The following CPEB2 variants were observed in gnomAD, a reference collection of about 807,000 sequenced individuals.
CPEB2 encodes cytoplasmic polyadenylation element binding protein 2.
Under a neutral mutation model 93.6 loss-of-function variants are expected in CPEB2, and 56 were observed. The ratio of observed to expected loss-of-function variants is 0.60; its 90% CI spans 0.48 to 0.75. The LOEUF is 0.75. CPEB2 is among the 30% of genes least tolerant of loss of function. The pLI is 0.00. For synonymous variants in CPEB2, 764 were observed against 586.3 expected (o/e 1.30, Z -4.38); for missense variants, 1,579 against 1,395.1 (o/e 1.13, Z -2.10).
chr4:15,021,846 G>C (rs777471634), intron 4 of CPEB2, among the ~76,000 whole-genome samples: 1 of 151,980 alleles, frequency 6.6e-6, no homozygotes, highest in Non-Finnish European at 1.5e-5. Context: ...TATTTTTTAA[G>C]ACTCCTGAAG....
Position 15,008,407 on chromosome 4 carries a change from G to A in CPEB2, c.2014G>A (p.Gly672Arg), listed in dbSNP as rs1723089878. 3.1e-6 allele frequency: 5 copies of A among 1,613,136 alleles called. No individual in the cohort carries two copies. Among genetic ancestry groups the A allele is most frequent in the African/African-American group, 2.7e-5 (2 of 74,842 alleles). ...CCAAGATAGTTGGTGCACTGCAGCC[G>A]GAACATCCAGAATAGACCAGGTAGG... ...SLQDSWCTAAGTSRIDQDRSR... is the reference protein window; with the variant it reads ...SLQDSWCTAARTSRIDQDRSR... The change falls in exon 3 of 12, where the codon GGA (glycine) becomes AGA (arginine). Residue 672 changes from glycine to arginine, a missense_variant. Coordinates refer to ENST00000538197, the MANE Select transcript of CPEB2 (RefSeq NM_001177382.2).
chr4:15,037,880 C>G (rs1726786130), intron 5 of CPEB2, among the ~76,000 whole-genome samples: 1 of 152,042 alleles, frequency 6.6e-6, no homozygotes, highest in Admixed American at 6.6e-5. Context: ...ACATAAGTCA[C>G]TTAGTTTTTT....
intron 4 of CPEB2, among the ~76,000 whole-genome samples, chr4:15,021,787 A>G (rs970201148): frequency 2.6e-5 from 4 of 152,078 alleles, no homozygotes; most frequent in Non-Finnish European, 1.5e-5. Context: ...CTTATTTACT[A>G]AGTTTTTGTA....
chr4:15,003,350 A>G lies in CPEB2; in HGVS notation c.677A>G (p.Gln226Arg). 7.2e-7 allele frequency: 1 copy of G among 1,389,288 alleles called. No homozygotes were observed. The highest frequency in any genetic ancestry group is 1.7e-5 in the South Asian group (1 of 58,976). The allele number at this position is 1,389,288 out of a possible 1,614,324, so 86.1% of individuals were successfully genotyped here. A position where few individuals can be genotyped will look rare whatever the true frequency, so the allele number is the denominator to read the frequency against. Residue 226 changes from glutamine (Q) to arginine (R), a missense_variant, in exon 1 of 12, where the codon CAG (glutamine) becomes CGG (arginine). Gln to Arg is a conservative substitution (Grantham distance 43). This residue lies in a region of CPEB2 where 1,411 missense variants were observed against 1,056.0 expected (regional missense o/e 1.34). Transcript: ENST00000538197. ...GPLLQPAQLA[Q>R]RQQQQPPQQF... ...CTCCTCCAGCCGGCGCAGCTCGCTC[A>G]GCGCCAGCAGCAACAGCCGCCGCAG...
intron 4 of CPEB2, among the ~76,000 whole-genome samples, chr4:15,026,889 T>C (rs935589123): frequency 6.6e-6 from 1 of 152,202 alleles, no homozygotes; most frequent in African/African-American, 2.4e-5. Context: ...TCTGAGGCTG[T>C]AAACATAATA....
intron 4 of CPEB2, among the ~76,000 whole-genome samples, chr4:15,025,248 C>T (rs961258960): frequency 6.6e-6 from 1 of 152,012 alleles, no homozygotes; most frequent in Non-Finnish European, 1.5e-5. Flanking sequence ...AAAAAATTCT[C>T]AGAACTTTCA....
In CPEB2 at chr4:15,004,281, C is replaced by G. The variant is rs1722472059; in HGVS notation, c.1608C>G (p.His536Gln). Residue 536 changes from histidine (H) to glutamine (Q), a missense_variant, in exon 1 of 12, where the codon CAC becomes CAG. His to Gln is a conservative substitution (Grantham distance 24, BLOSUM62 0). This residue lies in a region of CPEB2 where 1,411 missense variants were observed against 1,056.0 expected (regional missense o/e 1.34). Coordinates refer to ENST00000538197, the MANE Select transcript of CPEB2 (RefSeq NM_001177382.2). The stretch of plus-strand genomic sequence containing the variant: ...TCAGCCCGCAGCTCCAGCAGCAGCA[C>G]CAGGCGGCGGCCGCCGCCTTCCTGC... The part of the protein sequence containing the change: ...SPVSPQLQQQ[H>Q]QAAAAAFLQQ... 3 of 1,494,932 alleles carry G rather than the reference C, an allele frequency of 2.0e-6. No homozygotes were observed. Among genetic ancestry groups the G allele is most frequent in the Non-Finnish European group, 2.7e-6 (3 of 1,130,058 alleles). The allele number at this position is 1,494,932 out of a possible 1,614,324, so 92.6% of individuals were successfully genotyped here. A position where few individuals can be genotyped will look rare whatever the true frequency, so the allele number is the denominator to read the frequency against.
At chr4:15,058,819 C>T (rs745638994) in intron 9 of CPEB2, among the ~76,000 whole-genome samples, 3 of 152,112 alleles carry the variant, frequency 2.0e-5, no homozygotes, top group Non-Finnish European at 4.4e-5. Context: ...AGAGATGGCA[C>T]TCTATTCTCA....
chr4:15,021,579 A>C (rs1303062812), intron 4 of CPEB2, among the ~76,000 whole-genome samples: 2 of 152,160 alleles, frequency 1.3e-5, no homozygotes, highest in Non-Finnish European at 2.9e-5. Flanking sequence ...AAACAGAATT[A>C]CTTAATTGTA....
intron 2 of CPEB2, among the ~76,000 whole-genome samples, 190 bp from the exon 3 acceptor site, chr4:15,008,148 T>C (rs1304050511): frequency 2.0e-5 from 3 of 152,234 alleles, no homozygotes; most frequent in South Asian, 4.1e-4. Context: ...ATTTTTATTA[T>C]TTTCTTGAAG....
chr4:15,037,568 G>A (rs1415648342), intron 5 of CPEB2, among the ~76,000 whole-genome samples: 3 of 151,946 alleles, frequency 2.0e-5, no homozygotes, highest in Non-Finnish European at 4.4e-5. Flanking sequence ...TTTGTTTTTT[G>A]TAGCTATGGA....
chr4:15,003,251 C>T lies in CPEB2; in HGVS notation c.578C>T (p.Ser193Leu), dbSNP rs756737934. The T allele has an allele frequency of 2.4e-5, 36 of 1,521,880 alleles. No individual in the cohort carries two copies. The highest frequency in any genetic ancestry group is 6.0e-5 in the South Asian group (5 of 83,246). 94.3% of individuals were successfully genotyped at this position (1,521,880 alleles called of 1,614,324 possible). The change falls in exon 1 of 12, where the codon TCG (serine) becomes TTG (leucine). Residue 193 changes from serine (S) to leucine (L), a missense_variant. By Grantham distance (145) the Ser-to-Leu change is moderately radical. Transcript: ENST00000538197. ...SPPHLPHPPD[S>L]KPPPPPPPLH... is the part of the protein sequence containing the mutation. ...CCCCACCTTCCCCACCCTCCGGACT[C>T]GAAGCCGCCGCCGCCGCCTCCGCCG...
At position 15,003,812 on chromosome 4, in the gene CPEB2, G is replaced by C. The variant is rs572958953; in HGVS notation, c.1139G>C (p.Gly380Ala). Reference sequence around the variant, plus strand: ...TCGCCGCCGCCGCTGCCCGGCTTCGGCACCCCCTGGTCGGTGCAGACCGCG... The same window carrying C: ...TCGCCGCCGCCGCTGCCCGGCTTCGCCACCCCCTGGTCGGTGCAGACCGCG... ...SASPPPLPGF[G>A]TPWSVQTASP... The change falls in exon 1 of 12, where the codon GGC becomes GCC. Residue 380 changes from glycine (G) to alanine (A), a missense_variant. This residue lies in a region of CPEB2 where 1,411 missense variants were observed against 1,056.0 expected (regional missense o/e 1.34). Coordinates refer to ENST00000538197, the MANE Select transcript of CPEB2 (RefSeq NM_001177382.2). 7.7e-3 allele frequency: 7,702 copies of C among 994,678 alleles called. 69 individuals are homozygous for C. Among genetic ancestry groups the C allele is most frequent in the South Asian group, 0.047 (1,149 of 24,270 alleles). The allele number at this position is 994,678 out of a possible 1,614,324, so 61.6% of individuals were successfully genotyped here. A position where few individuals can be genotyped will look rare whatever the true frequency, so the allele number is the denominator to read the frequency against.
At chr4:15,005,440 G>C (rs1168272772) in intron 1 of CPEB2, among the ~76,000 whole-genome samples, 1 of 152,160 alleles carries the variant, frequency 6.6e-6, no homozygotes, top group Non-Finnish European at 1.5e-5. Context: ...TTTGATTCAA[G>C]ATCTTTTTTG....
At chr4:15,057,680 T>C (rs1269672103) in intron 8 of CPEB2, among the ~76,000 whole-genome samples, 2 of 152,198 alleles carry the variant, frequency 1.3e-5, no homozygotes, top group Non-Finnish European at 2.9e-5. Context: ...AGATTGACAA[T>C]TGGTTGTTTA....
At chr4:15,018,469 ATGTT>A (rs1330269197) in intron 4 of CPEB2, among the ~76,000 whole-genome samples, 1 of 149,766 alleles carries the variant, frequency 6.7e-6, no homozygotes, top group South Asian at 2.1e-4. Flanking sequence ...GTTTTTGGGG[ATGTT>A]TGTTTGAGTT....
At chr4:15,005,909 C>T (rs1722752367) in intron 1 of CPEB2, among the ~76,000 whole-genome samples, 2 of 152,168 alleles carry the variant, frequency 1.3e-5, no homozygotes, top group South Asian at 4.1e-4. Flanking sequence ...AACTTGCCCA[C>T]AGAAAATTAT....
At position 15,003,543 on chromosome 4, in the gene CPEB2, G is replaced by T; in HGVS notation, c.870G>T (p.Glu290Asp). The T allele has an allele frequency of 2.1e-6, 3 of 1,452,220 alleles. No individual in the cohort carries two copies. The highest frequency in any genetic ancestry group is 2.7e-6 in the Non-Finnish European group (3 of 1,104,482). 90.0% of individuals were successfully genotyped at this position (1,452,220 alleles called of 1,614,324 possible). Residue 290 changes from glutamate (E) to aspartate (D), a missense_variant, in exon 1 of 12, where the codon GAG (glutamate) becomes GAT (aspartate). This residue lies in a region of CPEB2 where 1,411 missense variants were observed against 1,056.0 expected (regional missense o/e 1.34). Transcript: ENST00000538197. ...CTCGCAAGACCCCAGCCGCGGGCGA[G>T]GGCAGCGCCGCCGAGTCCCCCAATG... The part of the protein sequence containing the change: ...GSPRKTPAAG[E>D]GSAAESPNAG...
intron 6 of CPEB2, among the ~76,000 whole-genome samples, chr4:15,048,867 T>C (rs1382155248): frequency 6.6e-6 from 1 of 152,070 alleles, no homozygotes; most frequent in South Asian, 2.1e-4. Context: ...ATATAACTTA[T>C]TTAATGGTTC....
Sources: gnomAD v4.1 joint callset for allele counts (sites outside exome capture counted in the v4.1 genomes callset) on GRCh38, gnomAD v4.1.1 for gene constraint, gnomAD v4.1.1 regional missense constraint, MANE v1.5 for transcripts, NCBI Gene and HGNC (gene_info 2026-07-23, HGNC 2026-07-21) for gene names.